Variants in ZNF470 observed in about 807,000 individuals in gnomAD.
ZNF470 encodes the protein chondrogenesis zinc finger protein 1.
A neutral mutation model predicts 13.9 loss-of-function variants in ZNF470; 13 were observed. The observed-to-expected ratio is 0.94, with a 90% CI of 0.61 to 1.49. The LOEUF (loss-of-function observed/expected upper bound fraction) is 1.49. Ranked by LOEUF, ZNF470 falls within the 40% of genes most tolerant of loss-of-function variation. The pLI is 0.00. For synonymous variants in ZNF470, 293 were observed against 282.9 expected (o/e 1.04, Z -0.36); for missense variants, 929 against 857.3 (o/e 1.08, Z -1.04).
chr19:56,571,733 C>T (rs1047046934), intron 3 of ZNF470, among the ~76,000 whole-genome samples: 1 of 151,354 alleles, frequency 6.6e-6, no homozygotes, highest in Non-Finnish European at 1.5e-5. Context: ...CTCAGCCTCC[C>T]AAGTAGCTGG....
At position 56,568,747 on chromosome 19, in the gene ZNF470, C is replaced by G. The variant is rs1450978577; in HGVS notation, c.-158-11C>G. 3.9e-5 allele frequency: 6 copies of G among 152,164 alleles called. No individual in the cohort carries two copies. The highest frequency in any genetic ancestry group is 3.9e-4 in the Admixed American group (6 of 15,280). 9.4% of individuals were successfully genotyped at this position (152,164 alleles called of 1,614,324 possible). Reference sequence around the variant, plus strand: ...ATTATGAAGTAGGAACTACTTACCTCTTTTTTACAGATGAAGACACAGAAG... The same window carrying G: ...ATTATGAAGTAGGAACTACTTACCTGTTTTTTACAGATGAAGACACAGAAG... On this transcript the variant is annotated splice_polypyrimidine_tract_variant and intron_variant, in intron 1 of 5. Coordinates refer to ENST00000330619, the MANE Select transcript of ZNF470 (RefSeq NM_001001668.4).
chr19:56,574,690 C>T lies in ZNF470; in HGVS notation c.240C>T (p.Asp80=). The T allele has an allele frequency of 6.2e-7, 1 of 1,613,776 alleles. No individual in the cohort carries two copies. Among genetic ancestry groups the T allele is most frequent in the East Asian group, 2.2e-5 (1 of 44,868 alleles). The change falls in exon 5 of 6, where the codon GAC becomes GAT. Residue 80 remains aspartate, a synonymous_variant. Coordinates refer to ENST00000330619, the MANE Select transcript of ZNF470 (RefSeq NM_001001668.4). ...TCTCCTTACTGGAGCAAGAGAAAGA[C>T]CCTTGGGTGATAAAAGGAGGGATGA... is the stretch of plus-strand genomic sequence containing the variant. The part of the protein sequence containing the change: ...DVISLLEQEK[D]PWVIKGGMNR...
chr19:56,578,223 T>G lies in ZNF470; in HGVS notation c.1794T>G (p.Cys598Trp). 1 of 1,614,016 alleles carries G rather than the reference T, an allele frequency of 6.2e-7. No individual in the cohort carries two copies. The highest frequency in any genetic ancestry group is 1.1e-5 in the South Asian group (1 of 91,082). The part of the protein sequence containing the change: ...SGKRPYECLE[C>W]GKAFRQRASL... ...AAAGACCGTATGAATGTCTTGAATG[T>G]GGGAAGGCATTCAGGCAGAGGGCAT... Residue 598 changes from cysteine to tryptophan, a missense_variant, in exon 6 of 6, where the codon TGT becomes TGG. Cys to Trp is a radical substitution (Grantham distance 215). Coordinates refer to ENST00000330619, the MANE Select transcript of ZNF470 (RefSeq NM_001001668.4).
In ZNF470 at chr19:56,577,734, C is replaced by T; in HGVS notation, c.1305C>T (p.Ser435=). Residue 435 remains serine (S), a synonymous_variant, in exon 6 of 6, where the codon AGC becomes AGT. Coordinates refer to ENST00000330619, the MANE Select transcript of ZNF470 (RefSeq NM_001001668.4). ...GTAATGTGTGTGGGAAGGCTTTTAG[C>T]CATGGCTCATCTCTGACAGTACATC... is the stretch of plus-strand genomic sequence containing the variant. ...YKCNVCGKAF[S]HGSSLTVHQR... 1.2e-6 allele frequency: 2 copies of T among 1,613,458 alleles called. No individual in the cohort carries two copies. Among genetic ancestry groups the T allele is most frequent in the African/African-American group, 2.7e-5 (2 of 74,932 alleles).
In ZNF470 at chr19:56,574,632, A is replaced by G. The variant is rs117270164; in HGVS notation, c.188-6A>G. ...AGGCAATTTTTATATGTCTTTTTAC[A>G]TGCAGGTCTTTGCATTTCTAAACCA... is the stretch of plus-strand genomic sequence containing the variant. On this transcript the variant is annotated splice_region_variant and splice_polypyrimidine_tract_variant and intron_variant, in intron 4 of 5. Coordinates refer to ENST00000330619, the MANE Select transcript of ZNF470 (RefSeq NM_001001668.4). 19,234 of 1,612,962 alleles carry G rather than the reference A, an allele frequency of 0.012. 182 individuals are homozygous for G. Among genetic ancestry groups the G allele is most frequent in the Non-Finnish European group, 0.015 (17,613 of 1,179,554 alleles).
In ZNF470 at chr19:56,576,737, A is replaced by G. The variant is rs1403893917; in HGVS notation, c.308A>G (p.Lys103Arg). The change falls in exon 6 of 6, where the codon AAA becomes AGA. Residue 103 changes from lysine (K) to arginine (R), a missense_variant. Transcript: ENST00000330619. The stretch of plus-strand genomic sequence containing the variant: ...GACTTGGAGTGTGTGTGGGTGACCA[A>G]ATCATTATCTTTAAACCAGGATATT... ...CPDLECVWVT[K>R]SLSLNQDIYE... is the part of the protein sequence containing the mutation. 6.8e-7 allele frequency: 1 copy of G among 1,480,166 alleles called. No individual in the cohort carries two copies. The highest frequency in any genetic ancestry group is 2.5e-5 in the Admixed American group (1 of 40,738). The allele number at this position is 1,480,166 out of a possible 1,614,324, so 91.7% of individuals were successfully genotyped here.
intron 5 of ZNF470, 145 bp downstream of exon 5, chr19:56,574,878 A>G (rs1357465781): frequency 9.0e-6 from 6 of 667,674 alleles, no homozygotes; most frequent in South Asian, 4.1e-5. Flanking sequence ...TCTCTTCCCT[A>G]CTAGTGTAAC....
chr19:56,572,167 A>T (rs1184012344), intron 3 of ZNF470, among the ~76,000 whole-genome samples: 1 of 148,980 alleles, frequency 6.7e-6, no homozygotes, highest in Non-Finnish European at 1.5e-5. Context: ...TAAAACCAGG[A>T]CAGCATGCCT....
At position 56,579,430 on chromosome 19, in the gene ZNF470, A is replaced by G. The variant is rs1453331119; in HGVS notation, c.*847A>G. 3.0e-6 allele frequency: 3 copies of G among 985,214 alleles called. No individual in the cohort carries two copies. Among genetic ancestry groups the G allele is most frequent in the Non-Finnish European group, 3.6e-6 (3 of 829,852 alleles). The allele number at this position is 985,214 out of a possible 1,614,324, so 61.0% of individuals were successfully genotyped here. A position where few individuals can be genotyped will look rare whatever the true frequency, so the allele number is the denominator to read the frequency against. ...GAGCCAGACACTGTCTCAAGGAAAA[A>G]CAAAGAACAAAAGCATTTGGTAGAA... is the stretch of plus-strand genomic sequence containing the variant. On this transcript the variant is annotated 3_prime_UTR_variant, in exon 6 of 6. Coordinates refer to ENST00000330619, the MANE Select transcript of ZNF470 (RefSeq NM_001001668.4).
At chr19:56,575,639 TTTTAC>T (rs1275307139) in intron 5 of ZNF470, among the ~76,000 whole-genome samples, 1 of 152,044 alleles carries the variant, frequency 6.6e-6, no homozygotes, top group Non-Finnish European at 1.5e-5. Flanking sequence ...TTTTATTTTA[TTTTAC>T]TTTTTAAAAT....
Position 56,577,618 on chromosome 19 carries a change from T to G in ZNF470, c.1189T>G (p.Phe397Val). ...ATATTATCATACTGGAGAGAAACCC[T>G]TTGACTGTATTGATTGTGGGAAGGC... is the stretch of plus-strand genomic sequence containing the variant. ...RRYYHTGEKPFDCIDCGKAFT... is the reference protein window; with the variant it reads ...RRYYHTGEKPVDCIDCGKAFT... Residue 397 changes from phenylalanine (F) to valine (V), a missense_variant, in exon 6 of 6, where the codon TTT (phenylalanine) becomes GTT (valine). By Grantham distance (50) the Phe-to-Val change is conservative. Coordinates refer to ENST00000330619, the MANE Select transcript of ZNF470 (RefSeq NM_001001668.4). 6.2e-7 allele frequency: 1 copy of G among 1,614,054 alleles called. No homozygotes were observed. Among genetic ancestry groups the G allele is most frequent in the Non-Finnish European group, 8.5e-7 (1 of 1,179,998 alleles).
Position 56,578,949 on chromosome 19 carries a change from T to C in ZNF470, c.*366T>C, listed in dbSNP as rs1265125181. On this transcript the variant is annotated 3_prime_UTR_variant, in exon 6 of 6. Coordinates refer to ENST00000330619, the MANE Select transcript of ZNF470 (RefSeq NM_001001668.4). ...GTAAACCAAACAGTAAGTCTAAGAC[T>C]AAGATTTTAGAGCAGACAGAAGACT... The C allele has an allele frequency of 2.0e-6, 2 of 1,002,384 alleles. No individual in the cohort carries two copies. The highest frequency in any genetic ancestry group is 1.0e-4 in the East Asian group (1 of 9,706). 62.1% of individuals were successfully genotyped at this position (1,002,384 alleles called of 1,614,324 possible). A position where few individuals can be genotyped will look rare whatever the true frequency, so the allele number is the denominator to read the frequency against.
chr19:56,579,010 G>T lies in ZNF470; in HGVS notation c.*427G>T. The T allele has an allele frequency of 2.0e-6, 2 of 988,550 alleles. No homozygotes were observed. Among genetic ancestry groups the T allele is most frequent in the Non-Finnish European group, 2.4e-6 (2 of 832,216 alleles). 61.2% of individuals were successfully genotyped at this position (988,550 alleles called of 1,614,324 possible). A position where few individuals can be genotyped will look rare whatever the true frequency, so the allele number is the denominator to read the frequency against. On this transcript the variant is annotated 3_prime_UTR_variant, in exon 6 of 6. Coordinates refer to ENST00000330619, the MANE Select transcript of ZNF470 (RefSeq NM_001001668.4). ...TAGAGAGGAAAGATGAACAAACTCAGAATTGAAAGATTTATGGTACACAAG... is the reference window on the plus strand; with the variant it reads ...TAGAGAGGAAAGATGAACAAACTCATAATTGAAAGATTTATGGTACACAAG...
rs1232457462 is a variant in ZNF470, at chr19:56,576,083, A to T, written c.284-630A>T. On this transcript the variant is annotated intron_variant, in intron 5 of 5. Transcript: ENST00000330619. ...GAGAAAACACAAAAACAAAATAATT[A>T]TAAATAACCACACATGCATAAGAAC... Among the ~76,000 whole-genome samples, 4 of 152,190 alleles carry T rather than the reference A, an allele frequency of 2.6e-5. No individual in the cohort carries two copies. In the East Asian group the frequency reaches 7.7e-4, roughly 29 times the overall value.
In ZNF470 at chr19:56,580,426, T is replaced by G. The variant is rs1297911478; in HGVS notation, c.*1843T>G. The G allele has an allele frequency of 6.5e-6, 1 of 152,760 alleles. No individual in the cohort carries two copies. Among genetic ancestry groups the G allele is most frequent in the Non-Finnish European group, 1.5e-5 (1 of 68,562 alleles). 9.5% of individuals were successfully genotyped at this position (152,760 alleles called of 1,614,324 possible). ...ACCCATATCCTTCTCTCTGTATCCATCAGCAGAAGTGAAGAGGGAGCCCCA... is the reference window on the plus strand; with the variant it reads ...ACCCATATCCTTCTCTCTGTATCCAGCAGCAGAAGTGAAGAGGGAGCCCCA... On this transcript the variant is annotated 3_prime_UTR_variant, in exon 6 of 6. Transcript: ENST00000330619.
At position 56,576,783 on chromosome 19, in the gene ZNF470, G is replaced by T. The variant is rs762279576; in HGVS notation, c.354G>T (p.Pro118=). 6.5e-7 allele frequency: 1 copy of T among 1,541,670 alleles called. No homozygotes were observed. Among genetic ancestry groups the T allele is most frequent in the Non-Finnish European group, 8.7e-7 (1 of 1,149,486 alleles). The change falls in exon 6 of 6, where the codon CCG becomes CCT. Residue 118 remains proline, a synonymous_variant. Transcript: ENST00000330619. ...NQDIYEEKLP[P]AIIMERLKSY... is the part of the protein sequence containing the mutation. ...ATATTTATGAAGAAAAATTACCCCCGGCAATCATAATGGAAAGACTTAAAA... is the reference window on the plus strand; with the variant it reads ...ATATTTATGAAGAAAAATTACCCCCTGCAATCATAATGGAAAGACTTAAAA...
chr19:56,581,114 T>A lies in ZNF470; in HGVS notation c.*2531T>A. ...AAATGAGAGACTGACACAAAGTGTTTGCAACAGATATAATAAAGGACTGTA... is the reference window on the plus strand; with the variant it reads ...AAATGAGAGACTGACACAAAGTGTTAGCAACAGATATAATAAAGGACTGTA... On this transcript the variant is annotated 3_prime_UTR_variant, in exon 6 of 6. Transcript: ENST00000330619. 5 of 947,770 alleles carry A rather than the reference T, an allele frequency of 5.3e-6. No homozygotes were observed. The highest frequency in any genetic ancestry group is 6.3e-6 in the Non-Finnish European group (5 of 795,712). 58.7% of individuals were successfully genotyped at this position (947,770 alleles called of 1,614,324 possible).
Position 56,582,159 on chromosome 19 carries a change from G to A in ZNF470, c.*3576G>A, listed in dbSNP as rs2044540562. 9.1e-6 allele frequency: 9 copies of A among 985,386 alleles called. No homozygotes were observed. The highest frequency in any genetic ancestry group is 1.1e-5 in the Non-Finnish European group (9 of 829,926). 61.0% of individuals were successfully genotyped at this position (985,386 alleles called of 1,614,324 possible). On this transcript the variant is annotated 3_prime_UTR_variant, in exon 6 of 6. Coordinates refer to ENST00000330619, the MANE Select transcript of ZNF470 (RefSeq NM_001001668.4). The stretch of plus-strand genomic sequence containing the variant: ...TCTAGACTGGAAAGCATCTCATGGT[G>A]TGCGATGAGCAAACGCCTGATTATT...
In ZNF470 at chr19:56,578,983, G is replaced by T; in HGVS notation, c.*400G>T. The T allele has an allele frequency of 1.0e-6, 1 of 991,936 alleles. No individual in the cohort carries two copies. Among genetic ancestry groups the T allele is most frequent in the Non-Finnish European group, 1.2e-6 (1 of 834,642 alleles). The allele number at this position is 991,936 out of a possible 1,614,324, so 61.4% of individuals were successfully genotyped here. On this transcript the variant is annotated 3_prime_UTR_variant, in exon 6 of 6. Transcript: ENST00000330619. ...AGAGCAGACAGAAGACTACTCTCCT[G>T]GTAGAGAGGAAAGATGAACAAACTC...
Sources: gnomAD v4.1 joint callset for allele counts (sites outside exome capture counted in the v4.1 genomes callset) on GRCh38, gnomAD v4.1.1 for gene constraint, MANE v1.5 for transcripts, NCBI Gene and HGNC (gene_info 2026-07-23, HGNC 2026-07-21) for gene names.